The following IQCF1 variants were observed in gnomAD, a reference collection of about 807,000 sequenced individuals.
IQCF1 encodes the protein IQ domain-containing protein F1.
In IQCF1, 9 loss-of-function variants were observed where a neutral mutation model predicts 12.5. The ratio of observed to expected loss-of-function variants is 0.72; its 90% CI spans 0.43 to 1.26. IQCF1 has a LOEUF of 1.26. Ranked by LOEUF, IQCF1 falls within the 50% of genes most tolerant of loss-of-function variation. The probability of loss-of-function intolerance (pLI) is 0.00; values close to 1 mark genes in which losing one functional copy is unlikely to be tolerated. For synonymous variants in IQCF1, 67 were observed against 96.2 expected (o/e 0.70, Z 1.78); for missense variants, 252 against 257.4 (o/e 0.98, Z 0.14).
At position 51,895,259 on chromosome 3, in the gene IQCF1, C is replaced by T; in HGVS notation, c.249G>A (p.Leu83=). 6.2e-7 allele frequency: 1 copy of T among 1,614,162 alleles called. No individual in the cohort carries two copies. The highest frequency in any genetic ancestry group is 8.5e-7 in the Non-Finnish European group (1 of 1,180,032). Residue 83 remains leucine (L), a synonymous_variant, in exon 4 of 4, where the codon CTG becomes CTA. Transcript: ENST00000310914. The surrounding 1 kb of genome is among the most constrained non-coding windows in gnomAD (Gnocchi z 4.8). ...CTGCGTGCAACAGTGCCCGACGCAC[C>T]AGGGTGCCCCGCCACCAGGCCTGGA... The part of the protein sequence containing the change: ...TKIQAWWRGT[L]VRRALLHAAL...
chr3:51,896,064 T>C (rs1168846015), intron 3 of IQCF1, among the ~76,000 whole-genome samples: 1 of 152,228 alleles, frequency 6.6e-6, no homozygotes, highest in Non-Finnish European at 1.5e-5. Context: ...GAGTCTCTAT[T>C]AACATAGCTA....
At chr3:51,898,630 C>T (rs926471791) in intron 2 of IQCF1, among the ~76,000 whole-genome samples, 4 of 149,806 alleles carry the variant, frequency 2.7e-5, no homozygotes, top group Non-Finnish European at 4.4e-5. Context: ...AAAAAAAAAG[C>T]AAAAAGGTAG....
chr3:51,903,018 G>A lies in IQCF1; in HGVS notation c.75C>T (p.Thr25=). The change falls in exon 2 of 4, where the codon ACC becomes ACT. Residue 25 remains threonine, a synonymous_variant. Coordinates refer to ENST00000310914, the MANE Select transcript of IQCF1 (RefSeq NM_152397.3). The part of the protein sequence containing the change: ...EDEPQQKEMP[T]HLSLGAESKA... Reference sequence around the variant, plus strand: ...TTGACTCTGCTCCTAAGGACAAATGGGTTGGCATCTCCTTCTGCTGAGGCT... The same window carrying A: ...TTGACTCTGCTCCTAAGGACAAATGAGTTGGCATCTCCTTCTGCTGAGGCT... 1.2e-6 allele frequency: 2 copies of A among 1,614,084 alleles called. No individual in the cohort carries two copies. The highest frequency in any genetic ancestry group is 1.7e-6 in the Non-Finnish European group (2 of 1,179,994).
At chr3:51,899,782 A>G (rs993923362) in intron 2 of IQCF1, among the ~76,000 whole-genome samples, 1 of 152,204 alleles carries the variant, frequency 6.6e-6, no homozygotes, top group South Asian at 2.1e-4. Flanking sequence ...AAATTGGATA[A>G]ATATGTCTAC....
intron 3 of IQCF1, among the ~76,000 whole-genome samples, chr3:51,896,167 C>T (rs1173298401): frequency 2.6e-5 from 4 of 152,166 alleles, no homozygotes; most frequent in Non-Finnish European, 5.9e-5. Context: ...AGGGGAGACA[C>T]TACAAGACTT....
intron 2 of IQCF1, among the ~76,000 whole-genome samples, chr3:51,899,135 T>G (rs1699047053): frequency 6.6e-6 from 1 of 152,000 alleles, no homozygotes; most frequent in South Asian, 2.1e-4. Flanking sequence ...CCTTAGACAG[T>G]CTAGTCCACA....
Position 51,894,893 on chromosome 3 carries a change from T to C in IQCF1, c.615A>G (p.Glu205=), listed in dbSNP as rs1192866370. ...VTECIPFSIK[E] Reference sequence around the variant, plus strand: ...AGACTATCTGGAAAAGACCACTTCATTCCTTTATTGAGAAGGGAATACACT... The same window carrying C: ...AGACTATCTGGAAAAGACCACTTCACTCCTTTATTGAGAAGGGAATACACT... Residue 205 remains glutamate, a synonymous_variant, in exon 4 of 4, where the codon GAA becomes GAG. Transcript: ENST00000310914. 1 of 1,612,522 alleles carries C rather than the reference T, an allele frequency of 6.2e-7. No individual in the cohort carries two copies. Among genetic ancestry groups the C allele is most frequent in the Admixed American group, 1.7e-5 (1 of 59,976 alleles).
intron 3 of IQCF1, among the ~76,000 whole-genome samples, chr3:51,896,294 T>A (rs1272051650): frequency 6.6e-6 from 1 of 152,198 alleles, no homozygotes; most frequent in Non-Finnish European, 1.5e-5. Context: ...TAAATTCACC[T>A]GTAGCCTGGA....
In IQCF1 at chr3:51,896,886, A is replaced by G. The variant is rs199884981; in HGVS notation, c.117T>C (p.Thr39=). The change falls in exon 3 of 4, where the codon ACT becomes ACC. Residue 39 remains threonine (T), a synonymous_variant. Coordinates refer to ENST00000310914, the MANE Select transcript of IQCF1 (RefSeq NM_152397.3). ...LGAESKAEAK[T]PVLVETQTVD... ...CTGTCTGTGTCTCAACCAGAACTGG[A>G]GTTTTAGCCTGAAAAGGAAATGGGG... 6.2e-7 allele frequency: 1 copy of G among 1,612,950 alleles called. No individual in the cohort carries two copies. Among genetic ancestry groups the G allele is most frequent in the East Asian group, 2.2e-5 (1 of 44,872 alleles).
chr3:51,898,017 C>CACA (rs1218648682), intron 2 of IQCF1, among the ~76,000 whole-genome samples: 1 of 152,180 alleles, frequency 6.6e-6, no homozygotes, highest in East Asian at 1.9e-4. Context: ...ACACAAACCT[C>CACA]CAGTAGTAAG....
chr3:51,903,192 A>G, intron 1 of IQCF1, 78 bp downstream of exon 1: 1 of 1,593,972 alleles, frequency 6.3e-7, no homozygotes, highest in Non-Finnish European at 8.6e-7. Flanking sequence ...TAGAGTCTTC[A>G]GTGTCAGGGG....
rs1407909598 is a variant in IQCF1, at chr3:51,895,589, C to T, written c.172-253G>A. 6.6e-6 allele frequency among the ~76,000 whole-genome samples: 1 copy of T among 152,198 alleles called. No homozygotes were observed. The highest frequency in any genetic ancestry group is 1.5e-5 in the Non-Finnish European group (1 of 68,030). On this transcript the variant is annotated intron_variant, in intron 3 of 3. Coordinates refer to ENST00000310914, the MANE Select transcript of IQCF1 (RefSeq NM_152397.3). This position sits in a 1 kb window ranked among gnomAD's most constrained non-coding sequence, Gnocchi z 4.8. ...CCTCCCCATCTTGGGGCACACCTGCCCTGGCTACCTCACCCAGTTTTCCAT... is the reference window on the plus strand; with the variant it reads ...CCTCCCCATCTTGGGGCACACCTGCTCTGGCTACCTCACCCAGTTTTCCAT...
Position 51,896,766 on chromosome 3 carries a change from A to C in IQCF1, c.171+66T>G, listed in dbSNP as rs1473865817. The C allele has an allele frequency of 4.1e-6, 5 of 1,222,348 alleles. No individual in the cohort carries two copies. The African/African-American group carries it at 7.4e-5, about 18-fold the overall frequency. 75.7% of individuals were successfully genotyped at this position (1,222,348 alleles called of 1,614,324 possible). On this transcript the variant is annotated intron_variant, in intron 3 of 3. Transcript: ENST00000310914. ...GAGCCCAGCTTCCCATATCATGGTC[A>C]TTCCATTCCACCAGCACAGCCCCCA...
In IQCF1 at chr3:51,900,278, G is replaced by C. The variant is rs574314611; in HGVS notation, c.108+2707C>G. Among the ~76,000 whole-genome samples the C allele has an allele frequency of 6.6e-6, 1 of 151,938 alleles. No individual in the cohort carries two copies. Among genetic ancestry groups the C allele is most frequent in the South Asian group, 2.1e-4 (1 of 4,828 alleles). The stretch of plus-strand genomic sequence containing the variant: ...CTCACCACACCTGAGTCAAGAAAGC[G>C]CCACCCCTTCCAGAGTCACGGGCCA... On this transcript the variant is annotated intron_variant, in intron 2 of 3. Coordinates refer to ENST00000310914, the MANE Select transcript of IQCF1 (RefSeq NM_152397.3). This position sits in a 1 kb window ranked among gnomAD's most constrained non-coding sequence, Gnocchi z 4.2.
At position 51,895,446 on chromosome 3, in the gene IQCF1, A is replaced by C; in HGVS notation, c.172-110T>G. Reference sequence around the variant, plus strand: ...TATCAGCAACTGTCTCTTTTTCTGGAATTCAGGAGCACTGGGCAGGGCACT... The same window carrying C: ...TATCAGCAACTGTCTCTTTTTCTGGCATTCAGGAGCACTGGGCAGGGCACT... On this transcript the variant is annotated intron_variant, in intron 3 of 3. Coordinates refer to ENST00000310914, the MANE Select transcript of IQCF1 (RefSeq NM_152397.3). The surrounding 1 kb of genome is among the most constrained non-coding windows in gnomAD (Gnocchi z 4.8). 1 of 965,378 alleles carries C rather than the reference A, an allele frequency of 1.0e-6. No homozygotes were observed. Among genetic ancestry groups the C allele is most frequent in the East Asian group, 2.6e-5 (1 of 38,484 alleles). 59.8% of individuals were successfully genotyped at this position (965,378 alleles called of 1,614,324 possible).
intron 2 of IQCF1, among the ~76,000 whole-genome samples, chr3:51,897,803 C>T (rs1348655775): frequency 6.6e-6 from 1 of 152,198 alleles, no homozygotes; most frequent in Non-Finnish European, 1.5e-5. Flanking sequence ...TCCTACTGCT[C>T]GACGGAGTGA....
chr3:51,895,848 G>A lies in IQCF1; in HGVS notation c.172-512C>T, dbSNP rs1468083786. ...TATGTTGCCCAAATTCCTATCTAAG[G>A]GGTCTGGGGAGTCATGCCCCACAAA... On this transcript the variant is annotated intron_variant, in intron 3 of 3. Transcript: ENST00000310914. The surrounding 1 kb of genome is among the most constrained non-coding windows in gnomAD (Gnocchi z 4.8). Among the ~76,000 whole-genome samples the A allele has an allele frequency of 1.3e-5, 2 of 152,040 alleles. No individual in the cohort carries two copies. The highest frequency in any genetic ancestry group is 2.9e-5 in the Non-Finnish European group (2 of 68,020).
At chr3:51,896,694 C>T (rs180886755) in intron 3 of IQCF1, 138 bp downstream of exon 3, 79 of 673,652 alleles carry the variant, frequency 1.2e-4, no homozygotes, top group Middle Eastern at 3.5e-4. Context: ...CAAACACGCG[C>T]GCACACACAC....
intron 2 of IQCF1, among the ~76,000 whole-genome samples, 184 bp from the exon 3 acceptor site, chr3:51,897,078 C>T (rs1312636046): frequency 2.0e-5 from 3 of 152,160 alleles, no homozygotes; most frequent in African/African-American, 7.2e-5. Context: ...CGATTACCGG[C>T]TCCACCCTGA....
Sources: allele counts gnomAD v4.1 joint callset (sites outside exome capture counted in the v4.1 genomes callset), GRCh38; gene constraint gnomAD v4.1.1; non-coding constraint Gnocchi (gnomAD v3.1); transcripts MANE v1.5; gene names NCBI Gene and HGNC (gene_info 2026-07-23, HGNC 2026-07-21).